STRN: variants seen among roughly 807,000 people sequenced by gnomAD.
STRN encodes striatin, also known as protein phosphatase 2 regulatory subunit B'''alpha.
Under a neutral mutation model 96.3 loss-of-function variants are expected in STRN, and 53 were observed. The observed-to-expected ratio is 0.55, with a 90% CI of 0.44 to 0.69. The LOEUF (loss-of-function observed/expected upper bound fraction) is 0.69, where lower values mean the gene tolerates loss of function less well. Ranked by LOEUF, STRN falls within the 30% of genes least tolerant of loss-of-function variation. The pLI is 0.00. For synonymous variants in STRN, 428 were observed against 355.9 expected, an observed-to-expected ratio of 1.20 and a Z score of -2.28; for missense variants, 987 against 963.9, an observed-to-expected ratio of 1.02 and a Z score of -0.32.
intron 10 of STRN, 82 bp from the exon 11 acceptor site, chr2:36,869,811 CTGA>C: frequency 8.7e-7 from 1 of 1,154,458 alleles, no homozygotes; most frequent in East Asian, 2.8e-5. Flanking sequence ...TTAATTCTTG[CTGA>C]TGTGTCAATA....
At chr2:36,887,158 G>A (rs1404612194) in intron 7 of STRN, among the ~76,000 whole-genome samples, 2 of 151,622 alleles carry the variant, frequency 1.3e-5, no homozygotes, top group South Asian at 4.2e-4. Flanking sequence ...GCCAGGTGGG[G>A]TGGCTCACGC....
intron 13 of STRN, 64 bp downstream of exon 13, chr2:36,861,068 T>G: frequency 1.3e-6 from 2 of 1,582,264 alleles, no homozygotes; most frequent in South Asian, 1.2e-5. Flanking sequence ...TCCTTTTATA[T>G]TCTATGAAAA....
chr2:36,935,975 C>T (rs1391847944), intron 1 of STRN, among the ~76,000 whole-genome samples: 12 of 151,548 alleles, frequency 7.9e-5, no homozygotes, highest in African/African-American at 2.2e-4. Context: ...AAATAAAAAA[C>T]GTTGGTATTA....
At chr2:36,926,831 T>G (rs1458793531) in intron 1 of STRN, among the ~76,000 whole-genome samples, 10 of 152,176 alleles carry the variant, frequency 6.6e-5, no homozygotes, top group Admixed American at 5.9e-4. Context: ...TTATATATTC[T>G]GCAGTGGGAT....
At chr2:36,928,754 C>T (rs1261593012) in intron 1 of STRN, among the ~76,000 whole-genome samples, 2 of 151,456 alleles carry the variant, frequency 1.3e-5, no homozygotes, top group African/African-American at 4.9e-5. Context: ...ACCAGCCTGA[C>T]CAAGATGGTG....
At chr2:36,956,494 C>T (rs1306611755) in intron 1 of STRN, among the ~76,000 whole-genome samples, 1 of 152,058 alleles carries the variant, frequency 6.6e-6, no homozygotes, top group Non-Finnish European at 1.5e-5. Flanking sequence ...GCCAAAGATC[C>T]AAGGACAATT....
At chr2:36,901,528 G>A (rs1240442300) in intron 5 of STRN, among the ~76,000 whole-genome samples, 2 of 148,736 alleles carry the variant, frequency 1.3e-5, no homozygotes, top group Non-Finnish European at 3.0e-5. Context: ...CTCCAGCCTG[G>A]GTGACAGAGC....
At chr2:36,853,928 A>G (rs1022077109) in intron 15 of STRN, among the ~76,000 whole-genome samples, 2 of 152,206 alleles carry the variant, frequency 1.3e-5, no homozygotes, top group Non-Finnish European at 2.9e-5. Context: ...TTATTCCAGT[A>G]ATGTTGCCTT....
chr2:36,867,525 G>A (rs919477831), intron 12 of STRN: 2 of 220,034 alleles, frequency 9.1e-6, no homozygotes, highest in Non-Finnish European at 8.8e-6. Flanking sequence ...CAAATTATAT[G>A]AGGAAAAAAA....
chr2:36,933,229 T>C (rs887066487), intron 1 of STRN, among the ~76,000 whole-genome samples: 1 of 152,176 alleles, frequency 6.6e-6, no homozygotes, highest in Admixed American at 6.5e-5. Flanking sequence ...ACATTAAGTA[T>C]TATAAATAAT....
At chr2:36,876,416 C>T (rs755945016) in intron 10 of STRN, among the ~76,000 whole-genome samples, 6 of 151,858 alleles carry the variant, frequency 4.0e-5, no homozygotes, top group East Asian at 1.9e-4. Context: ...AAGTAGTATA[C>T]GGATTTCAAC....
chr2:36,922,026 A>G (rs1002640441), intron 2 of STRN, among the ~76,000 whole-genome samples: 2 of 152,240 alleles, frequency 1.3e-5, no homozygotes, highest in African/African-American at 2.4e-5. Flanking sequence ...CTATAATCAT[A>G]TAAGGAAATG....
At chr2:36,915,376 G>A (rs1270573131) in intron 3 of STRN, among the ~76,000 whole-genome samples, 4 of 149,888 alleles carry the variant, frequency 2.7e-5, no homozygotes, top group Admixed American at 6.7e-5. Flanking sequence ...CGCCAGAAAC[G>A]TACCTATCTG....
In STRN at chr2:36,849,775, G is replaced by C. The variant is rs765432090; in HGVS notation, c.2112C>G (p.Ala704=). 41 of 1,613,930 alleles carry C rather than the reference G, an allele frequency of 2.5e-5. No homozygotes were observed. The East Asian group carries it at 8.9e-4, about 35-fold the overall frequency. The change falls in exon 17 of 18, where the codon GCC becomes GCG. Residue 704 remains alanine (A), a synonymous_variant. Coordinates refer to ENST00000263918, the MANE Select transcript of STRN (RefSeq NM_003162.4). ...NTGKLIHSMV[A]HLEAVTSLAV... Reference sequence around the variant, plus strand: ...CTAAACTTGTAACAGCTTCTAGGTGGGCTACCATCGAGTGGATCAGTTTGC... The same window carrying C: ...CTAAACTTGTAACAGCTTCTAGGTGCGCTACCATCGAGTGGATCAGTTTGC...
intron 12 of STRN, among the ~76,000 whole-genome samples, chr2:36,864,216 T>A (rs1395700364): frequency 6.6e-6 from 1 of 152,188 alleles, no homozygotes; most frequent in Admixed American, 6.5e-5. Flanking sequence ...AGAGCAGGCA[T>A]CCTTGTCTTG....
chr2:36,928,093 A>G (rs1670463861), intron 1 of STRN, among the ~76,000 whole-genome samples: 1 of 152,206 alleles, frequency 6.6e-6, no homozygotes, highest in African/African-American at 2.4e-5. Context: ...TTCTCTAGGA[A>G]ACTTAGATAT....
At chr2:36,849,836 C>T (rs762444042) in intron 16 of STRN, 36 bp from the exon 17 acceptor site, 5 of 1,588,964 alleles carry the variant, frequency 3.1e-6, no homozygotes, top group African/African-American at 1.3e-5. Context: ...TTATTAATGC[C>T]TTTCCTCATC....
At chr2:36,932,808 G>C (rs1670607822) in intron 1 of STRN, among the ~76,000 whole-genome samples, 1 of 152,066 alleles carries the variant, frequency 6.6e-6, no homozygotes, top group Admixed American at 6.6e-5. Flanking sequence ...TACAAACATA[G>C]ATTTTCGTAT....
chr2:36,901,366 C>CA (rs1402758571), intron 5 of STRN, among the ~76,000 whole-genome samples: 1 of 152,074 alleles, frequency 6.6e-6, no homozygotes, highest in East Asian at 1.9e-4. Context: ...TCCTGGCCAA[C>CA]ATGGTGAAAC....
Sources: gnomAD v4.1 joint callset for allele counts (sites outside exome capture counted in the v4.1 genomes callset) on GRCh38, gnomAD v4.1.1 for gene constraint, MANE v1.5 for transcripts, NCBI Gene and HGNC (gene_info 2026-07-23, HGNC 2026-07-21) for gene names.